MYO16: variants seen among roughly 807,000 people sequenced by gnomAD.
The protein encoded by MYO16 is unconventional myosin-XVI.
Under a neutral mutation model 205.3 loss-of-function variants are expected in MYO16, and 94 were observed. The observed-to-expected ratio is 0.46, with a 90% CI of 0.39 to 0.54. The LOEUF (loss-of-function observed/expected upper bound fraction) is 0.54, where lower values mean the gene tolerates loss of function less well. Ranked by LOEUF, MYO16 falls within the 20% of genes least tolerant of loss-of-function variation. The pLI is 0.00. For missense variants in MYO16, 2,315 were observed against 2,387.5 expected (o/e 0.97, Z 0.63); for synonymous variants, 988 against 954.0 (o/e 1.04, Z -0.66).
intron 1 of MYO16, among the ~76,000 whole-genome samples, chr13:108,601,628 G>T (rs1188902784): frequency 6.6e-6 from 1 of 152,014 alleles, no homozygotes; most frequent in East Asian, 1.9e-4. Context: ...GAAGTTATAA[G>T]ATAATCCTAG....
chr13:108,637,017 C>T, intron 1 of MYO16, among the ~76,000 whole-genome samples: 1 of 152,154 alleles, frequency 6.6e-6, no homozygotes, highest in East Asian at 1.9e-4. Flanking sequence ...AAATCTTTAA[C>T]CTCAGATATC....
intron 2 of MYO16, among the ~76,000 whole-genome samples, chr13:108,691,734 A>C (rs111632159): frequency 6.6e-6 from 1 of 152,160 alleles, no homozygotes; most frequent in Non-Finnish European, 1.5e-5. Context: ...ATTCAGTAAT[A>C]CTTGTCACTT....
chr13:109,140,310 G>C lies in MYO16; in HGVS notation c.4098G>C (p.Lys1366Asn), dbSNP rs764488838. Residue 1366 changes from lysine (K) to asparagine (N), a missense_variant, in exon 32 of 35, where the codon AAG (lysine) becomes AAC (asparagine). Physicochemically the swap from Lys to Asn is moderately conservative, Grantham distance 94. Transcript: ENST00000457511. The surrounding 1 kb of genome is among the most constrained non-coding windows in gnomAD (Gnocchi z 8.0). ...RPHSDDYSTMKKIPPRKPKRS... is the reference protein window; with the variant it reads ...RPHSDDYSTMNKIPPRKPKRS... Reference sequence around the variant, plus strand: ...ACAGCGACGACTACAGCACCATGAAGAAGATTCCTCCTCGAAAGCCCAAGC... The same window carrying C: ...ACAGCGACGACTACAGCACCATGAACAAGATTCCTCCTCGAAAGCCCAAGC... 6.2e-7 allele frequency: 1 copy of C among 1,602,500 alleles called. No individual in the cohort carries two copies. The highest frequency in any genetic ancestry group is 1.1e-5 in the South Asian group (1 of 91,070).
intron 10 of MYO16, among the ~76,000 whole-genome samples, chr13:108,849,020 A>C (rs2139083929): frequency 6.6e-6 from 1 of 152,204 alleles, no homozygotes; most frequent in East Asian, 1.9e-4. Context: ...TTCACTATTT[A>C]AGAAACACTT....
At chr13:108,584,588 G>A in the MYO16 span, among the ~76,000 whole-genome samples, 3 of 152,242 alleles carry the variant, frequency 2.0e-5, no homozygotes, top group East Asian at 5.8e-4. Context: ...CTTGCTGTGT[G>A]TTTGTGCAGA....
chr13:108,788,836 G>C (rs1285222919), intron 5 of MYO16, among the ~76,000 whole-genome samples: 2 of 152,160 alleles, frequency 1.3e-5, no homozygotes, highest in African/African-American at 4.8e-5. Flanking sequence ...CTTAGGAACA[G>C]TCTCTCTCCT....
chr13:109,098,039 T>TTATGAG (rs1888834502), intron 27 of MYO16, among the ~76,000 whole-genome samples: 1 of 14,244 alleles, frequency 7.0e-5, no homozygotes, highest in Admixed American at 1.1e-3. Context: ...ACTGTGTGGC[T>TTATGAG]CATGAGCAAC....
chr13:108,585,768 A>T, the MYO16 span, among the ~76,000 whole-genome samples: 3 of 152,194 alleles, frequency 2.0e-5, no homozygotes, highest in Admixed American at 6.5e-5. Flanking sequence ...TCTGATGAGA[A>T]TTTGTGGTTT....
chr13:108,880,856 G>A (rs534263123), intron 12 of MYO16, among the ~76,000 whole-genome samples: 1 of 152,114 alleles, frequency 6.6e-6, no homozygotes, highest in Non-Finnish European at 1.5e-5. Context: ...GCTCTTTCTT[G>A]GTTCCATATG....
chr13:108,829,329 A>T (rs1876471317), intron 9 of MYO16, among the ~76,000 whole-genome samples: 1 of 152,254 alleles, frequency 6.6e-6, no homozygotes, highest in Non-Finnish European at 1.5e-5. Context: ...AGAAATGACC[A>T]GAAAAAGATG....
chr13:109,148,541 C>T (rs1877468621), intron 32 of MYO16, among the ~76,000 whole-genome samples: 1 of 152,230 alleles, frequency 6.6e-6, no homozygotes, highest in South Asian at 2.1e-4. Context: ...GGTGCATCCA[C>T]TTTCAGTGAA....
At chr13:108,902,827 G>C (rs891362100) in intron 15 of MYO16, among the ~76,000 whole-genome samples, 8 of 152,168 alleles carry the variant, frequency 5.3e-5, no homozygotes, top group African/African-American at 1.4e-4. Flanking sequence ...CCTAAACTAA[G>C]GTTTTGCTTT....
At chr13:109,009,340 G>T (rs934669258) in intron 22 of MYO16, among the ~76,000 whole-genome samples, 1 of 152,010 alleles carries the variant, frequency 6.6e-6, no homozygotes, top group South Asian at 2.1e-4. Flanking sequence ...AGTGCCTATT[G>T]TAAAAAAACA....
chr13:109,012,763 T>G (rs1050323342), intron 22 of MYO16, among the ~76,000 whole-genome samples: 36 of 123,724 alleles, frequency 2.9e-4, no homozygotes, highest in African/African-American at 1.1e-3. Flanking sequence ...TTCAAATTGT[T>G]GTTATATGTG....
intron 12 of MYO16, among the ~76,000 whole-genome samples, chr13:108,881,567 C>T (rs1879619001): frequency 6.6e-6 from 1 of 152,116 alleles, no homozygotes; most frequent in African/African-American, 2.4e-5. Flanking sequence ...AGACAAATGG[C>T]TAACCAGAAT....
At chr13:108,704,883 C>T (rs1409811624) in intron 2 of MYO16, among the ~76,000 whole-genome samples, 2 of 150,978 alleles carry the variant, frequency 1.3e-5, no homozygotes, top group Non-Finnish European at 3.0e-5. Context: ...ATCAATAAAA[C>T]CAAAACTTGG....
At chr13:109,048,495 T>A (rs79853318) in intron 24 of MYO16, 17,641 of 491,244 alleles carry the variant, frequency 0.036, 404 homozygotes, top group Non-Finnish European at 0.046. Context: ...ACCTCTGCTG[T>A]TATAATGTGA....
intron 27 of MYO16, among the ~76,000 whole-genome samples, chr13:109,074,857 AACATGT>A (rs1888041396): frequency 6.6e-6 from 1 of 152,192 alleles, no homozygotes; most frequent in Admixed American, 6.5e-5. Flanking sequence ...TCCCTTCCCC[AACATGT>A]AGGGATTACA....
the MYO16 span, among the ~76,000 whole-genome samples, chr13:108,537,347 C>T: frequency 5.9e-5 from 9 of 152,246 alleles, no homozygotes; most frequent in African/African-American, 1.9e-4. Context: ...CTTTTTATGG[C>T]TGCATAGTAT....
Sources: allele counts gnomAD v4.1 joint callset (sites outside exome capture counted in the v4.1 genomes callset), GRCh38; gene constraint gnomAD v4.1.1; non-coding constraint Gnocchi (gnomAD v3.1); transcripts MANE v1.5; gene names NCBI Gene and HGNC (gene_info 2026-07-23, HGNC 2026-07-21).